The following COL23A1 variants were observed in gnomAD, a reference collection of about 807,000 sequenced individuals.
The protein encoded by COL23A1 is collagen alpha-1(XXIII) chain.
COL23A1 carries 97 observed loss-of-function variants against 99.3 expected under a neutral mutation model. That is an observed-to-expected ratio of 0.98 (90% CI 0.83 to 1.16). COL23A1 has a LOEUF of 1.16. Among genes scored for constraint, COL23A1 ranks in the 50% most tolerant of loss-of-function variants. The probability of loss-of-function intolerance (pLI) is 0.00; values close to 1 mark genes in which losing one functional copy is unlikely to be tolerated. For missense variants in COL23A1, 762 were observed against 757.4 expected (o/e 1.01, Z -0.07); for synonymous variants, 320 against 308.2 (o/e 1.04, Z -0.40).
At chr5:178,271,375 C>T (rs2127564948) in intron 5 of COL23A1, among the ~76,000 whole-genome samples, 1 of 152,354 alleles carries the variant, frequency 6.6e-6, no homozygotes, top group East Asian at 1.9e-4. Flanking sequence ...ACACTGTCCA[C>T]CTGCCGGGCA....
intron 8 of COL23A1, among the ~76,000 whole-genome samples, chr5:178,263,578 A>C (rs1765754089): frequency 6.6e-6 from 1 of 152,198 alleles, no homozygotes; most frequent in Non-Finnish European, 1.5e-5. Context: ...CAGCGCCTGA[A>C]GCCCAGATCC....
At chr5:178,362,057 G>C (rs1762200812) in intron 2 of COL23A1, among the ~76,000 whole-genome samples, 1 of 152,154 alleles carries the variant, frequency 6.6e-6, no homozygotes, top group South Asian at 2.1e-4. Flanking sequence ...GCAGATACGG[G>C]GTCATTGTTA....
chr5:178,427,537 A>AG (rs1766010816), intron 2 of COL23A1, among the ~76,000 whole-genome samples: 1 of 152,198 alleles, frequency 6.6e-6, no homozygotes. Flanking sequence ...TCAGTAGGTG[A>AG]GTGGGTAGGT....
At chr5:178,499,350 T>C (rs1277315124) in intron 2 of COL23A1, among the ~76,000 whole-genome samples, 2 of 152,178 alleles carry the variant, frequency 1.3e-5, no homozygotes, top group Non-Finnish European at 2.9e-5. Context: ...CAGACACACG[T>C]TGCCCCACCA....
In COL23A1 at chr5:178,365,152, T is replaced by TGTGTGTGTGC. The variant is rs1221693546; in HGVS notation, c.362-58234_362-58233insGCACACACAC. On this transcript the variant is annotated intron_variant, in intron 2 of 28. Coordinates refer to ENST00000390654, the MANE Select transcript of COL23A1 (RefSeq NM_173465.4). The surrounding 1 kb of genome is among the most constrained non-coding windows in gnomAD (Gnocchi z 5.2). ...CTGTGTGTGCGTGTGTGTGTGTGTG[T>TGTGTGTGTGC]GTGTGTGTGTGTGTGTGTGATAAAT... Among the ~76,000 whole-genome samples the TGTGTGTGTGC allele has an allele frequency of 1.3e-5, 2 of 151,912 alleles. No homozygotes were observed. Among genetic ancestry groups the TGTGTGTGTGC allele is most frequent in the East Asian group, 3.9e-4 (2 of 5,168 alleles).
At chr5:178,540,909 C>T (rs1562069538) in intron 2 of COL23A1, among the ~76,000 whole-genome samples, 1 of 151,880 alleles carries the variant, frequency 6.6e-6, no homozygotes, top group Non-Finnish European at 1.5e-5. Context: ...CCTAGGTGGA[C>T]AGAACAAGAC....
intron 2 of COL23A1, among the ~76,000 whole-genome samples, chr5:178,512,017 A>C (rs1759230925): frequency 6.6e-6 from 1 of 152,254 alleles, no homozygotes; most frequent in African/African-American, 2.4e-5. Flanking sequence ...AGTGTAACTG[A>C]AGCTTCAGAA....
intron 2 of COL23A1, among the ~76,000 whole-genome samples, chr5:178,537,500 C>A (rs973848246): frequency 6.6e-6 from 1 of 152,146 alleles, no homozygotes; most frequent in Non-Finnish European, 1.5e-5. Flanking sequence ...CTGGGACTGA[C>A]GGAGGACAAG....
At chr5:178,402,208 T>C (rs989443210) in intron 2 of COL23A1, among the ~76,000 whole-genome samples, 1 of 151,582 alleles carries the variant, frequency 6.6e-6, no homozygotes, top group African/African-American at 2.4e-5. Context: ...ATGAGTGAAC[T>C]GGCTGGGCGT....
At chr5:178,514,183 T>A (rs1248344063) in intron 2 of COL23A1, among the ~76,000 whole-genome samples, 1 of 152,214 alleles carries the variant, frequency 6.6e-6, no homozygotes, top group Non-Finnish European at 1.5e-5. Context: ...GCGTCTGGCT[T>A]ATTTCACTCA....
intron 2 of COL23A1, among the ~76,000 whole-genome samples, chr5:178,527,621 G>A (rs1760384937): frequency 6.6e-6 from 1 of 152,224 alleles, no homozygotes; most frequent in African/African-American, 2.4e-5. Flanking sequence ...GGGAGGGGTG[G>A]CCTCTGCCAA....
At chr5:178,507,190 T>C (rs1170558172) in intron 2 of COL23A1, among the ~76,000 whole-genome samples, 1 of 152,176 alleles carries the variant, frequency 6.6e-6, no homozygotes, top group African/African-American at 2.4e-5. Flanking sequence ...GCACCTGGGC[T>C]CCTCCAGTCG....
At chr5:178,454,758 C>T (rs1369033424) in intron 2 of COL23A1, among the ~76,000 whole-genome samples, 5 of 152,214 alleles carry the variant, frequency 3.3e-5, no homozygotes, top group Non-Finnish European at 7.3e-5. Flanking sequence ...GTGAATTCCA[C>T]GCCGGTGTGC....
At chr5:178,338,664 T>G (rs113165943) in intron 2 of COL23A1, among the ~76,000 whole-genome samples, 1 of 138,124 alleles carries the variant, frequency 7.2e-6, no homozygotes, top group African/African-American at 2.7e-5. Context: ...CTGGCCAGCA[T>G]CGGGTAGAGA....
At chr5:178,351,371 C>G (rs1761317773) in intron 2 of COL23A1, among the ~76,000 whole-genome samples, 1 of 152,178 alleles carries the variant, frequency 6.6e-6, no homozygotes, top group African/African-American at 2.4e-5. Flanking sequence ...TTTGGATGAG[C>G]AATAACGGGT....
In COL23A1 at chr5:178,384,996, A is replaced by G. The variant is rs1473705145; in HGVS notation, c.362-78077T>C. On this transcript the variant is annotated intron_variant, in intron 2 of 28. Coordinates refer to ENST00000390654, the MANE Select transcript of COL23A1 (RefSeq NM_173465.4). This position sits in a 1 kb window ranked among gnomAD's most constrained non-coding sequence, Gnocchi z 5.5. ...CACACTGGGCTGCCCAGCCCACTCCACGCCGGGGGCTCTGTCCCTAGAGCC... is the reference window on the plus strand; with the variant it reads ...CACACTGGGCTGCCCAGCCCACTCCGCGCCGGGGGCTCTGTCCCTAGAGCC... 6.6e-6 allele frequency among the ~76,000 whole-genome samples: 1 copy of G among 151,996 alleles called. No individual in the cohort carries two copies. Among genetic ancestry groups the G allele is most frequent in the African/African-American group, 2.4e-5 (1 of 41,384 alleles).
At chr5:178,498,212 A>C (rs1437676463) in intron 2 of COL23A1, among the ~76,000 whole-genome samples, 5 of 23,614 alleles carry the variant, frequency 2.1e-4, no homozygotes, top group Non-Finnish European at 2.6e-4. Context: ...TTAAATATAT[A>C]TATATATATA....
At chr5:178,500,587 A>C (rs886288741) in intron 2 of COL23A1, among the ~76,000 whole-genome samples, 17 of 151,550 alleles carry the variant, frequency 1.1e-4, no homozygotes, top group African/African-American at 4.1e-4. Context: ...GCTGGGAGGA[A>C]GAGCAAGAAC....
intron 2 of COL23A1, among the ~76,000 whole-genome samples, chr5:178,441,515 C>G (rs1453032542): frequency 6.6e-6 from 1 of 152,188 alleles, no homozygotes; most frequent in Non-Finnish European, 1.5e-5. Flanking sequence ...CCTCTCGGTA[C>G]AGGCGCACAG....
Sources: allele counts gnomAD v4.1 joint callset (sites outside exome capture counted in the v4.1 genomes callset), GRCh38; gene constraint gnomAD v4.1.1; non-coding constraint Gnocchi (gnomAD v3.1); transcripts MANE v1.5; gene names NCBI Gene and HGNC (gene_info 2026-07-23, HGNC 2026-07-21).